The following TSPOAP1 variants were observed in gnomAD, a reference collection of about 807,000 sequenced individuals.
TSPOAP1 encodes the protein TSPO associated protein 1.
TSPOAP1 carries 87 observed loss-of-function variants against 197.0 expected under a neutral mutation model. The observed-to-expected ratio is 0.44, with a 90% confidence interval of 0.37 to 0.53. The LOEUF (loss-of-function observed/expected upper bound fraction) is 0.53, where lower values mean the gene tolerates loss of function less well. Ranked by LOEUF, TSPOAP1 falls within the 20% of genes least tolerant of loss-of-function variation. TSPOAP1 has a pLI of 0.00. For synonymous variants in TSPOAP1, 913 were observed against 998.9 expected, an observed-to-expected ratio of 0.91 and a Z score of 1.62; for missense variants, 2,174 against 2,411.3, an observed-to-expected ratio of 0.90 and a Z score of 2.06.
At chr17:58,319,440 C>T in intron 12 of TSPOAP1, 146 bp from the exon 13 acceptor site, 2 of 841,378 alleles carry the variant, frequency 2.4e-6, no homozygotes, top group East Asian at 2.7e-5. Flanking sequence ...CCTTGGCCAC[C>T]CCACTGTCCT....
Sources: gnomAD v4.1 joint callset for allele counts on GRCh38, gnomAD v4.1.1 for gene constraint, MANE v1.5 for transcripts, NCBI Gene and HGNC (gene_info 2026-07-23, HGNC 2026-07-21) for gene names.